The following SYT1 variants were observed in gnomAD, a reference collection of about 807,000 sequenced individuals.
The protein encoded by SYT1 is synaptotagmin-1.
A neutral mutation model predicts 44.8 loss-of-function variants in SYT1; 8 were observed. That is an observed-to-expected ratio of 0.18 (90% CI 0.10 to 0.32). The LOEUF (loss-of-function observed/expected upper bound fraction) is 0.32, where lower values mean the gene tolerates loss of function less well. SYT1 is among the 10% of genes least tolerant of loss of function. The probability of loss-of-function intolerance (pLI) is 1.00; values close to 1 mark genes in which losing one functional copy is unlikely to be tolerated. For missense variants in SYT1, 286 were observed against 509.3 expected, an observed-to-expected ratio of 0.56 and a Z score of 4.22; for synonymous variants, 154 against 188.8, an observed-to-expected ratio of 0.82 and a Z score of 1.51.
intron 1 of SYT1, among the ~76,000 whole-genome samples, chr12:78,883,266 T>A (rs1050618746): frequency 6.6e-6 from 1 of 151,702 alleles, no homozygotes; most frequent in African/African-American, 2.4e-5. Flanking sequence ...GTTTGCAATT[T>A]TTTCCCCAGT....
Position 79,079,095 on chromosome 12 carries a change from T to C in SYT1, c.-18+31733T>C, listed in dbSNP as rs74110134. On this transcript the variant is annotated intron_variant, in intron 3 of 10. Coordinates refer to ENST00000261205, the MANE Select transcript of SYT1 (RefSeq NM_005639.3). ...TGTTTAGCGCTTGTGATGTTTGGAATACCCTATAACTAAAGAATGAATAGA... is the reference window on the plus strand; with the variant it reads ...TGTTTAGCGCTTGTGATGTTTGGAACACCCTATAACTAAAGAATGAATAGA... 9.0e-3 allele frequency among the ~76,000 whole-genome samples: 1,367 copies of C among 152,282 alleles called. 27 individuals are homozygous for C. Among genetic ancestry groups the C allele is most frequent in the African/African-American group, 0.031 (1,268 of 41,546 alleles).
intron 8 of SYT1, among the ~76,000 whole-genome samples, chr12:79,313,539 T>C (rs1880912031): frequency 6.6e-6 from 1 of 151,832 alleles, no homozygotes; most frequent in Non-Finnish European, 1.5e-5. Context: ...TTAAATTGCA[T>C]TCTATTAACC....
At chr12:78,868,527 T>G (rs2137030742) in intron 1 of SYT1, among the ~76,000 whole-genome samples, 1 of 152,004 alleles carries the variant, frequency 6.6e-6, no homozygotes, top group African/African-American at 2.4e-5. Context: ...AGAGACAAAG[T>G]ATATGGCAAT....
chr12:78,921,045 A>C (rs928741990), intron 1 of SYT1, among the ~76,000 whole-genome samples: 19 of 152,002 alleles, frequency 1.2e-4, no homozygotes, highest in Non-Finnish European at 2.5e-4. Flanking sequence ...TAGTATTACA[A>C]CTTTGAAGAT....
intron 3 of SYT1, among the ~76,000 whole-genome samples, chr12:79,082,670 A>G (rs1266355613): frequency 2.0e-5 from 3 of 152,206 alleles, no homozygotes; most frequent in African/African-American, 4.8e-5. Flanking sequence ...TGCTTGCTGT[A>G]TCTGAGCCAA....
intron 9 of SYT1, among the ~76,000 whole-genome samples, chr12:79,387,546 C>T (rs1884484266): frequency 6.6e-6 from 1 of 152,042 alleles, no homozygotes; most frequent in Admixed American, 6.6e-5. Flanking sequence ...AGAACATTGA[C>T]CCATCAAATG....
At chr12:79,403,315 C>T (rs1465046) in intron 9 of SYT1, among the ~76,000 whole-genome samples, 20,825 of 151,978 alleles carry the variant, frequency 0.14, 1,857 homozygotes, top group Middle Eastern at 0.34. Context: ...TCTTAAGGAA[C>T]TGGCTCATTC....
At chr12:79,303,939 C>A (rs1332549940) in intron 8 of SYT1, among the ~76,000 whole-genome samples, 2 of 152,166 alleles carry the variant, frequency 1.3e-5, no homozygotes, top group Non-Finnish European at 2.9e-5. Flanking sequence ...ACCCAACGAT[C>A]AATGCCCTGA....
chr12:79,300,528 T>TTTTC (rs1880086301), intron 8 of SYT1, among the ~76,000 whole-genome samples: 1 of 151,808 alleles, frequency 6.6e-6, no homozygotes. Context: ...CAGCCTAAGG[T>TTTTC]TTTCTGTGAC....
intron 3 of SYT1, among the ~76,000 whole-genome samples, chr12:79,141,312 CTCTA>C (rs1869543019): frequency 6.6e-6 from 1 of 152,004 alleles, no homozygotes; most frequent in African/African-American, 2.4e-5. Context: ...TACTGTGACA[CTCTA>C]TGTATTCTTT....
intron 1 of SYT1, among the ~76,000 whole-genome samples, chr12:78,931,178 A>AG (rs1491322926): frequency 6.5e-5 from 5 of 77,210 alleles, no homozygotes; most frequent in Non-Finnish European, 9.1e-5. Flanking sequence ...AGAAAGAAAG[A>AG]AAAAGAAAGA....
intron 1 of SYT1, among the ~76,000 whole-genome samples, chr12:78,925,942 TAAGA>T (rs1268081666): frequency 6.6e-6 from 1 of 152,072 alleles, no homozygotes; most frequent in Admixed American, 6.6e-5. Context: ...ATTTCCTAGC[TAAGA>T]AATAATGGCT....
chr12:78,879,984 T>C (rs1412587556), intron 1 of SYT1, among the ~76,000 whole-genome samples: 1 of 151,814 alleles, frequency 6.6e-6, no homozygotes, highest in Admixed American at 6.6e-5. Context: ...TATCAACTAT[T>C]CAGGGAAGAT....
chr12:79,184,351 C>T (rs562264442), intron 3 of SYT1, among the ~76,000 whole-genome samples: 3 of 152,090 alleles, frequency 2.0e-5, no homozygotes, highest in Non-Finnish European at 4.4e-5. Flanking sequence ...CCAAATGGAA[C>T]TTATGCCTTT....
In SYT1 at chr12:79,341,699, C is replaced by T. The variant is rs567863075; in HGVS notation, c.811-11803C>T. Among the ~76,000 whole-genome samples the T allele has an allele frequency of 1.4e-4, 17 of 121,770 alleles. 1 individual carries two copies. In the South Asian group the frequency reaches 3.0e-3, roughly 22 times the overall value. The allele number at this position is 121,770 out of a possible 152,430, so 79.9% of individuals were successfully genotyped here. On this transcript the variant is annotated intron_variant, in intron 8 of 10. Transcript: ENST00000261205. ...TTTTTTTTTTTTTGAGACAGAGTCT[C>T]GCTCTGTTGCCTAGGCTGGAGTGCA... is the stretch of plus-strand genomic sequence containing the variant.
At chr12:79,176,898 T>C (rs1307174563) in intron 3 of SYT1, among the ~76,000 whole-genome samples, 1 of 152,024 alleles carries the variant, frequency 6.6e-6, no homozygotes, top group African/African-American at 2.4e-5. Flanking sequence ...AAAAATACTT[T>C]CCTGTATAAC....
At chr12:79,371,660 G>A (rs889932293) in intron 9 of SYT1, among the ~76,000 whole-genome samples, 36 of 152,328 alleles carry the variant, frequency 2.4e-4, no homozygotes, top group East Asian at 3.9e-4. Flanking sequence ...AAGAGTGGCC[G>A]TGAAACAGTG....
At chr12:79,230,785 T>C (rs573650774) in intron 4 of SYT1, among the ~76,000 whole-genome samples, 1 of 152,286 alleles carries the variant, frequency 6.6e-6, no homozygotes, top group African/African-American at 2.4e-5. Context: ...AAATCGCAAC[T>C]AAGTTTCTAA....
At chr12:79,047,233 T>A (rs1874137604) in intron 2 of SYT1, 64 bp from the exon 3 acceptor site, 2 of 151,646 alleles carry the variant, frequency 1.3e-5, no homozygotes, top group African/African-American at 4.8e-5. Flanking sequence ...AACATATTTA[T>A]GACAAAAATG....
Sources: gnomAD v4.1 joint callset for allele counts (sites outside exome capture counted in the v4.1 genomes callset) on GRCh38, gnomAD v4.1.1 for gene constraint, MANE v1.5 for transcripts, NCBI Gene and HGNC (gene_info 2026-07-23, HGNC 2026-07-21) for gene names.